The following LAMA2 variants were observed in gnomAD, a reference collection of about 807,000 sequenced individuals.
The protein encoded by LAMA2 is laminin subunit alpha-2.
LAMA2 carries 269 observed loss-of-function variants against 364.8 expected under a neutral mutation model. The ratio of observed to expected loss-of-function variants is 0.74; its 90% CI spans 0.67 to 0.82. The LOEUF is 0.82. Ranked by LOEUF, LAMA2 falls within the 40% of genes least tolerant of loss-of-function variation. LAMA2 has a pLI of 0.00. For missense variants in LAMA2, 3,807 were observed against 3,873.2 expected (o/e 0.98, Z 0.45); for synonymous variants, 1,379 against 1,370.6 (o/e 1.01, Z -0.14).
At chr6:129,244,154 C>T (rs1785582756) in intron 12 of LAMA2, among the ~76,000 whole-genome samples, 1 of 152,098 alleles carries the variant, frequency 6.6e-6, no homozygotes, top group African/African-American at 2.4e-5. Flanking sequence ...AACTTTAAAA[C>T]CTCTCATGTA....
intron 58 of LAMA2, among the ~76,000 whole-genome samples, chr6:129,493,342 AC>A (rs1490894101): frequency 6.6e-6 from 1 of 152,174 alleles, no homozygotes; most frequent in Non-Finnish European, 1.5e-5. Context: ...AAATCCCAGC[AC>A]TGTAACCGAC....
intron 62 of LAMA2, among the ~76,000 whole-genome samples, chr6:129,511,619 C>G (rs868445457): frequency 8.5e-5 from 13 of 152,206 alleles, no homozygotes; most frequent in African/African-American, 2.4e-4. Flanking sequence ...GAAAATTCCC[C>G]TGAGTATTTC....
chr6:129,095,391 T>G (rs1343840427), intron 3 of LAMA2, among the ~76,000 whole-genome samples: 1 of 152,194 alleles, frequency 6.6e-6, no homozygotes. Flanking sequence ...CATTCCTATA[T>G]AAAAAATTAT....
chr6:129,292,294 C>T (rs539837940), intron 20 of LAMA2, among the ~76,000 whole-genome samples: 65 of 152,076 alleles, frequency 4.3e-4, no homozygotes, highest in Non-Finnish European at 8.4e-4. Context: ...TGCAGTGAGC[C>T]GAGATAGTGC....
chr6:128,978,359 T>C (rs1782661131), intron 1 of LAMA2, among the ~76,000 whole-genome samples: 1 of 151,712 alleles, frequency 6.6e-6, no homozygotes, highest in South Asian at 2.1e-4. Context: ...CTTTTTTTTT[T>C]TTTTTTTTGA....
chr6:129,314,370 G>A (rs1774427139), intron 23 of LAMA2, among the ~76,000 whole-genome samples: 1 of 138,284 alleles, frequency 7.2e-6, no homozygotes, highest in Non-Finnish European at 1.5e-5. Context: ...CTGCACTCTG[G>A]CCTGGGCGAA....
chr6:128,909,362 G>A lies in LAMA2; in HGVS notation c.112+26005G>A, dbSNP rs1423687805. Among the ~76,000 whole-genome samples the A allele has an allele frequency of 3.3e-5, 5 of 151,856 alleles. 1 individual carries two copies. The highest frequency in any genetic ancestry group is 1.2e-4 in the African/African-American group (5 of 41,214). On this transcript the variant is annotated intron_variant, in intron 1 of 64. Transcript: ENST00000421865. ...ATATTTAGGTTAGTTAGCTCTTCTT[G>A]TTGAATTGATCCCTTTACCATTATG...
In LAMA2 at chr6:129,489,949, GACCTATT is replaced by G. The variant is rs200545536; in HGVS notation, c.7899-1949_7899-1943del. On this transcript the variant is annotated intron_variant, in intron 56 of 64. Transcript: ENST00000421865. ...AACTGTAAAAAAAAAAAATAAAGCT[GACCTATT>G]ACAATACTAAAGTAATACAAAGTTT... is the stretch of plus-strand genomic sequence containing the variant. Among the ~76,000 whole-genome samples the G allele has an allele frequency of 8.8e-3, 1,329 of 151,542 alleles. 22 individuals are homozygous for G. The highest frequency in any genetic ancestry group is 0.01 in the Non-Finnish European group (708 of 67,900).
At chr6:129,189,160 T>C (rs980025438) in intron 10 of LAMA2, among the ~76,000 whole-genome samples, 1 of 152,046 alleles carries the variant, frequency 6.6e-6, no homozygotes, top group Admixed American at 6.6e-5. Context: ...TGAGCAATAC[T>C]TTTTTGTGGT....
intron 4 of LAMA2, among the ~76,000 whole-genome samples, chr6:129,103,982 G>A (rs1295607789): frequency 6.6e-6 from 1 of 151,904 alleles, no homozygotes; most frequent in Non-Finnish European, 1.5e-5. Context: ...AGAAAAACAA[G>A]TCCCTCCCTC....
chr6:129,444,190 G>A (rs1782255211), intron 44 of LAMA2, among the ~76,000 whole-genome samples: 1 of 152,084 alleles, frequency 6.6e-6, no homozygotes, highest in Admixed American at 6.6e-5. Flanking sequence ...GGAAAAAGAG[G>A]GGAGAAGAGG....
intron 12 of LAMA2, among the ~76,000 whole-genome samples, chr6:129,223,570 G>C (rs945327291): frequency 4.3e-4 from 65 of 152,284 alleles, no homozygotes; most frequent in African/African-American, 1.5e-3. Flanking sequence ...TGGCTAGCCA[G>C]TTTTCCCAGC....
chr6:129,065,543 A>C (rs1308601062), intron 3 of LAMA2, among the ~76,000 whole-genome samples: 1 of 152,244 alleles, frequency 6.6e-6, no homozygotes, highest in Non-Finnish European at 1.5e-5. Flanking sequence ...GAACTAATAA[A>C]CAAATTCTGT....
intron 53 of LAMA2, among the ~76,000 whole-genome samples, chr6:129,478,061 AG>A (rs1784163767): frequency 6.6e-6 from 1 of 152,146 alleles, no homozygotes; most frequent in Non-Finnish European, 1.5e-5. Context: ...CCCAAAATGC[AG>A]GGATTACAGG....
At position 129,481,227 on chromosome 6, in the gene LAMA2, C is replaced by A. The variant is rs762660060; in HGVS notation, c.7573-36C>A. ...GGAGAACTTATTTAAATTTTCATTT[C>A]TAATGGTTTCTACTCTTCTTTTCCT... On this transcript the variant is annotated intron_variant, in intron 54 of 64. Transcript: ENST00000421865. 12 of 1,568,238 alleles carry A rather than the reference C, an allele frequency of 7.7e-6. No homozygotes were observed. In the East Asian group the frequency reaches 2.7e-4, roughly 35 times the overall value.
intron 8 of LAMA2, among the ~76,000 whole-genome samples, chr6:129,164,808 C>A (rs1424694024): frequency 6.6e-6 from 1 of 152,100 alleles, no homozygotes; most frequent in African/African-American, 2.4e-5. Flanking sequence ...TATTGTTATG[C>A]AAATTTTGTG....
intron 1 of LAMA2, among the ~76,000 whole-genome samples, chr6:128,935,366 T>C (rs973726558): frequency 4.6e-5 from 7 of 152,164 alleles, no homozygotes; most frequent in African/African-American, 1.7e-4. Flanking sequence ...GTTTCCAGCT[T>C]CATCCATGTC....
At chr6:129,419,852 T>C (rs1023401911) in intron 40 of LAMA2, among the ~76,000 whole-genome samples, 4 of 152,150 alleles carry the variant, frequency 2.6e-5, no homozygotes, top group African/African-American at 4.8e-5. Flanking sequence ...CAAAGCCGTC[T>C]CTTTGGGGTG....
intron 24 of LAMA2, 92 bp from the exon 25 acceptor site, chr6:129,315,384 G>T: frequency 9.2e-7 from 1 of 1,088,506 alleles, no homozygotes. Flanking sequence ...ATGGGTATAG[G>T]AACTGCAGAT....
Sources: allele counts gnomAD v4.1 joint callset (sites outside exome capture counted in the v4.1 genomes callset), GRCh38; gene constraint gnomAD v4.1.1; transcripts MANE v1.5; gene names NCBI Gene and HGNC (gene_info 2026-07-23, HGNC 2026-07-21).